The following GRIK2 variants were observed in gnomAD, a reference collection of about 807,000 sequenced individuals.
GRIK2 encodes glutamate ionotropic receptor kainate type subunit 2.
GRIK2 carries 32 observed loss-of-function variants against 100.3 expected under a neutral mutation model. That is an observed-to-expected ratio of 0.32 (90% CI 0.24 to 0.43). GRIK2 has a LOEUF of 0.43. Ranked by LOEUF, GRIK2 falls within the 20% of genes least tolerant of loss-of-function variation. The pLI is 1.00. For synonymous variants in GRIK2, 417 were observed against 389.4 expected (o/e 1.07, Z -0.83); for missense variants, 843 against 1,114.9 (o/e 0.76, Z 3.47).
At chr6:101,918,251 C>T (rs1789249674) in intron 12 of GRIK2, among the ~76,000 whole-genome samples, 1 of 151,554 alleles carries the variant, frequency 6.6e-6, no homozygotes, top group African/African-American at 2.4e-5. Context: ...AAATAGGACA[C>T]ATTCTAGAAA....
At chr6:101,433,084 C>T (rs1388416654) in intron 2 of GRIK2, among the ~76,000 whole-genome samples, 3 of 152,144 alleles carry the variant, frequency 2.0e-5, no homozygotes, top group Admixed American at 1.3e-4. Context: ...CACCCTGAGG[C>T]TTTAGAACTG....
intron 2 of GRIK2, among the ~76,000 whole-genome samples, chr6:101,535,268 T>C (rs1003146537): frequency 6.6e-6 from 1 of 151,736 alleles, no homozygotes; most frequent in Non-Finnish European, 1.5e-5. Context: ...TGGCTAGAAA[T>C]GAGAAACATT....
At chr6:101,498,489 G>A (rs933944692) in intron 2 of GRIK2, among the ~76,000 whole-genome samples, 4 of 150,944 alleles carry the variant, frequency 2.6e-5, no homozygotes, top group Admixed American at 6.6e-5. Flanking sequence ...CACCAACAGT[G>A]TAAAAGTGTT....
chr6:101,641,979 C>G (rs147747652), intron 4 of GRIK2, among the ~76,000 whole-genome samples: 3 of 151,860 alleles, frequency 2.0e-5, no homozygotes, highest in Non-Finnish European at 4.4e-5. Context: ...TTTCTTGGTA[C>G]AGTTTAATTT....
At chr6:101,778,012 T>C (rs1174972375) in intron 7 of GRIK2, among the ~76,000 whole-genome samples, 1 of 152,198 alleles carries the variant, frequency 6.6e-6, no homozygotes, top group African/African-American at 2.4e-5. Context: ...ATTTCTTTTA[T>C]TGTTTAAATG....
chr6:101,724,349 C>T lies in GRIK2; in HGVS notation c.951+37996C>T, dbSNP rs559544541. On this transcript the variant is annotated intron_variant, in intron 7 of 16. Transcript: ENST00000369134. The stretch of plus-strand genomic sequence containing the variant: ...TTTCAGCCCTTGTGTCCCTCCCTCT[C>T]TTCCCCTTCTGGTAGTTTCCTGTAT... Among the ~76,000 whole-genome samples, 3 of 151,962 alleles carry T rather than the reference C, an allele frequency of 2.0e-5. No homozygotes were observed. The East Asian group carries it at 5.9e-4, about 30-fold the overall frequency.
At chr6:101,458,873 A>C (rs1399253732) in intron 2 of GRIK2, among the ~76,000 whole-genome samples, 1 of 152,210 alleles carries the variant, frequency 6.6e-6, no homozygotes, top group East Asian at 1.9e-4. Context: ...CTTTTAATCC[A>C]TGAGAATATG....
At chr6:101,681,750 C>CT (rs1212340523) in intron 5 of GRIK2, among the ~76,000 whole-genome samples, 1 of 152,020 alleles carries the variant, frequency 6.6e-6, no homozygotes, top group East Asian at 1.9e-4. Flanking sequence ...TTTTGGAAGG[C>CT]TATTAGATGT....
chr6:101,553,611 T>C (rs1776610884), intron 2 of GRIK2, among the ~76,000 whole-genome samples: 1 of 152,158 alleles, frequency 6.6e-6, no homozygotes, highest in South Asian at 2.1e-4. Context: ...GGTTACTAGA[T>C]AGAGGCATTG....
At chr6:101,940,368 G>C (rs1158406326) in intron 14 of GRIK2, among the ~76,000 whole-genome samples, 1 of 152,120 alleles carries the variant, frequency 6.6e-6, no homozygotes, top group East Asian at 1.9e-4. Flanking sequence ...ACCAATGCCA[G>C]AGTGTACATA....
At chr6:101,941,663 A>G (rs1299368446) in intron 14 of GRIK2, among the ~76,000 whole-genome samples, 1 of 152,172 alleles carries the variant, frequency 6.6e-6, no homozygotes, top group South Asian at 2.1e-4. Flanking sequence ...GGATGGAAAG[A>G]TGGTAACATA....
intron 10 of GRIK2, among the ~76,000 whole-genome samples, chr6:101,841,005 A>G (rs1476899077): frequency 6.6e-6 from 1 of 151,436 alleles, no homozygotes; most frequent in East Asian, 2.0e-4. Context: ...ATTTATTTTC[A>G]TGTATGTCAC....
chr6:101,613,250 T>TA (rs769981114), intron 2 of GRIK2, among the ~76,000 whole-genome samples: 23 of 151,736 alleles, frequency 1.5e-4, no homozygotes, highest in Non-Finnish European at 2.9e-4. Flanking sequence ...AGTTTAACAA[T>TA]AGGGACAGAC....
chr6:101,760,654 ATG>A lies in GRIK2; in HGVS notation c.952-38992_952-38991del, dbSNP rs1420628461. ...ATTATATATAATTATATATAATTAT[ATG>A]TTTAATTATATATAATTATATATTT... is the stretch of plus-strand genomic sequence containing the variant. On this transcript the variant is annotated intron_variant, in intron 7 of 16. Transcript: ENST00000369134. 5.0e-3 allele frequency among the ~76,000 whole-genome samples: 398 copies of A among 79,902 alleles called. 26 individuals are homozygous for A. The highest frequency in any genetic ancestry group is 0.022 in the African/African-American group (363 of 16,492). 52.4% of individuals were successfully genotyped at this position (79,902 alleles called of 152,430 possible). A position where few individuals can be genotyped will look rare whatever the true frequency, so the allele number is the denominator to read the frequency against.
At chr6:101,859,546 C>A in intron 11 of GRIK2, 53 bp downstream of exon 11, 1 of 1,012,874 alleles carries the variant, frequency 9.9e-7, no homozygotes. Flanking sequence ...ACAAGGTTTA[C>A]TCTTTTGTTG....
intron 2 of GRIK2, among the ~76,000 whole-genome samples, chr6:101,590,364 T>C (rs925466417): frequency 9.9e-5 from 15 of 152,092 alleles, no homozygotes; most frequent in African/African-American, 3.6e-4. Context: ...AAAAGGCTTC[T>C]CTTCCAAGTT....
intron 14 of GRIK2, among the ~76,000 whole-genome samples, chr6:101,975,777 A>ATCTGTCTGTCTG (rs1185037083): frequency 6.4e-5 from 9 of 141,280 alleles, no homozygotes; most frequent in African/African-American, 2.3e-4. Flanking sequence ...CTATGTGTCT[A>ATCTGTCTGTCTG]TCTGTCTGTC....
intron 7 of GRIK2, among the ~76,000 whole-genome samples, chr6:101,714,305 C>T (rs1029689894): frequency 2.6e-5 from 4 of 151,648 alleles, no homozygotes; most frequent in African/African-American, 7.3e-5. Context: ...GTTGGAAACA[C>T]TTTCCACAAG....
intron 4 of GRIK2, among the ~76,000 whole-genome samples, chr6:101,652,525 A>T (rs538068258): frequency 1.3e-5 from 2 of 152,296 alleles, no homozygotes; most frequent in Admixed American, 6.5e-5. Context: ...CAAGGATTTG[A>T]TGATTATATA....
Sources: allele counts gnomAD v4.1 joint callset (sites outside exome capture counted in the v4.1 genomes callset), GRCh38; gene constraint gnomAD v4.1.1; transcripts MANE v1.5; gene names NCBI Gene and HGNC (gene_info 2026-07-23, HGNC 2026-07-21).